The following KLHL35 variants were observed in gnomAD, a reference collection of about 807,000 sequenced individuals.
KLHL35 encodes the protein kelch-like protein 35.
In KLHL35, 50 loss-of-function variants were observed where a neutral mutation model predicts 44.0. The observed-to-expected ratio is 1.14, with a 90% CI of 0.91 to 1.44. The LOEUF is 1.44. Ranked by LOEUF, KLHL35 falls within the 40% of genes most tolerant of loss-of-function variation. The pLI is 0.00. For missense variants in KLHL35, 1,049 were observed against 887.8 expected, an observed-to-expected ratio of 1.18 and a Z score of -2.31; for synonymous variants, 470 against 410.4, an observed-to-expected ratio of 1.15 and a Z score of -1.76.
rs553307526 is a variant in KLHL35, at chr11:75,428,970, C to T, written c.882-344G>A. Among the ~76,000 whole-genome samples the T allele has an allele frequency of 2.6e-5, 4 of 152,336 alleles. No homozygotes were observed. In the South Asian group the frequency reaches 8.3e-4, roughly 32 times the overall value. On this transcript the variant is annotated intron_variant, in intron 2 of 6. Transcript: ENST00000539798. ...ATTACCCCTTTCTCAGGGGAGGAAA[C>T]TGAGGCTCACATACCATGGCGTGCC... is the stretch of plus-strand genomic sequence containing the variant.
In KLHL35 at chr11:75,426,557, C is replaced by T; in HGVS notation, c.1148G>A (p.Gly383Asp). 6.2e-7 allele frequency: 1 copy of T among 1,605,166 alleles called. No individual in the cohort carries two copies. Among genetic ancestry groups the T allele is most frequent in the Non-Finnish European group, 8.5e-7 (1 of 1,176,386 alleles). ...TWIKVASLHK[G>D]RWRHKMAVVQ... ...AACTGCCATCTTGTGCCTCCACCTG[C>T]CCTTGTGCAGAGAGGCTACCTTGAT... is the stretch of plus-strand genomic sequence containing the variant. The change falls in exon 4 of 7, where the codon GGC (glycine) becomes GAC (aspartate). Residue 383 changes from glycine (G) to aspartate (D), a missense_variant. Transcript: ENST00000539798.
rs150656806 is a variant in KLHL35 at position 75,432,473 on chromosome 11, G to A, written c.-2+570C>T. On this transcript the variant is annotated intron_variant, in intron 1 of 6. Coordinates refer to ENST00000539798, the MANE Select transcript of KLHL35 (RefSeq NM_001039548.3). ...AGGACCGGTGGAAGGAAGTGAGACC[G>A]GTCATCACAGCACGCTGCAACCAGT... Among the ~76,000 whole-genome samples the A allele has an allele frequency of 4.7e-3, 713 of 152,296 alleles. 3 individuals are homozygous for A. The highest frequency in any genetic ancestry group is 7.4e-3 in the Non-Finnish European group (506 of 68,014).
chr11:75,430,049 A>G lies in KLHL35; in HGVS notation c.581T>C (p.Leu194Pro), dbSNP rs1368671767. The change falls in exon 2 of 7, where the codon CTG (leucine) becomes CCG (proline). Residue 194 changes from leucine to proline, a missense_variant. Coordinates refer to ENST00000539798, the MANE Select transcript of KLHL35 (RefSeq NM_001039548.3). ...CAGCGCCACCACCTCGTCAGGCGCC[A>G]GCTCCAGGAAGTCGGCGTGGCGCGC... ...EVARHADFLE[L>P]APDEVVALLA... 1 of 1,403,844 alleles carries G rather than the reference A, an allele frequency of 7.1e-7. No homozygotes were observed. The highest frequency in any genetic ancestry group is 9.3e-7 in the Non-Finnish European group (1 of 1,080,528). The allele number at this position is 1,403,844 out of a possible 1,614,324, so 87.0% of individuals were successfully genotyped here.
intron 6 of KLHL35, chr11:75,423,394 G>A (rs1319436023): frequency 2.8e-6 from 1 of 361,678 alleles, no homozygotes; most frequent in Admixed American, 4.3e-5. Flanking sequence ...TGGCCTTCGG[G>A]GCAGGAGAGA....
Position 75,425,441 on chromosome 11 carries a change from C to T in KLHL35, c.1326G>A (p.Lys442=). 6.4e-7 allele frequency: 1 copy of T among 1,571,030 alleles called. No individual in the cohort carries two copies. Among genetic ancestry groups the T allele is most frequent in the African/African-American group, 1.4e-5 (1 of 73,760 alleles). The part of the protein sequence containing the change: ...SSAAVASCAG[K]LFVIGGARQG... The stretch of plus-strand genomic sequence containing the variant: ...GCCTGGCGCCCCCAATCACGAAGAG[C>T]TTGCCCGCGCAGGACGCCACCGCCG... The change falls in exon 5 of 7, where the codon AAG becomes AAA. Residue 442 remains lysine (K), a synonymous_variant. Transcript: ENST00000539798.
Position 75,430,444 on chromosome 11 carries a change from G to A in KLHL35, c.186C>T (p.Gly62=). 2.9e-6 allele frequency: 4 copies of A among 1,391,978 alleles called. No individual in the cohort carries two copies. The highest frequency in any genetic ancestry group is 3.2e-5 in the Admixed American group (1 of 31,158). The allele number at this position is 1,391,978 out of a possible 1,614,324, so 86.2% of individuals were successfully genotyped here. The change falls in exon 2 of 7, where the codon GGC becomes GGT. Residue 62 remains glycine (G), a synonymous_variant. Coordinates refer to ENST00000539798, the MANE Select transcript of KLHL35 (RefSeq NM_001039548.3). ...FPCHRAALSA[G]SAYFRSLFAA... ...CGAACAAGCTGCGGAAGTAGGCGCT[G>A]CCCGCGCTGAGCGCCGCGCGGTGGC...
intron 1 of KLHL35, among the ~76,000 whole-genome samples, chr11:75,431,941 C>T (rs1420229299): frequency 2.0e-5 from 3 of 152,118 alleles, no homozygotes; most frequent in African/African-American, 7.2e-5. Context: ...TTCTTTAGCC[C>T]ACACCTGCCC....
At position 75,428,778 on chromosome 11, in the gene KLHL35, C is replaced by A. The variant is rs539340495; in HGVS notation, c.882-152G>T. The stretch of plus-strand genomic sequence containing the variant: ...ATCCCCCGGCCTCAATCCCGCTAGA[C>A]CCTGCCACTTCCAACTTTGCCTGTG... On this transcript the variant is annotated intron_variant, in intron 2 of 6. Coordinates refer to ENST00000539798, the MANE Select transcript of KLHL35 (RefSeq NM_001039548.3). 6 of 626,656 alleles carry A rather than the reference C, an allele frequency of 9.6e-6. No homozygotes were observed. The South Asian group carries it at 1.4e-4, about 14-fold the overall frequency. The allele number at this position is 626,656 out of a possible 1,614,324, so 38.8% of individuals were successfully genotyped here.
chr11:75,425,760 C>G, intron 4 of KLHL35, 179 bp from the exon 5 acceptor site: 1 of 484,962 alleles, frequency 2.1e-6, no homozygotes, highest in East Asian at 3.5e-5. Context: ...CACCCAGTTG[C>G]TGTACCTCCC....
rs764407435 is a variant in KLHL35 at position 75,423,840 on chromosome 11, C to A, written c.1415G>T (p.Arg472Leu). 1 of 1,613,750 alleles carries A rather than the reference C, an allele frequency of 6.2e-7. No individual in the cohort carries two copies. The highest frequency in any genetic ancestry group is 8.5e-7 in the Non-Finnish European group (1 of 1,179,812). Residue 472 changes from arginine (R) to leucine (L), a missense_variant, in exon 6 of 7, where the codon CGG becomes CTG. By Grantham distance (102) the Arg-to-Leu change is moderately radical (BLOSUM62 -2). Coordinates refer to ENST00000539798, the MANE Select transcript of KLHL35 (RefSeq NM_001039548.3). ...CCGCTGTGAGAAGGGTGCTGGTGAC[C>A]GCAGGCTCCACCGGTCCTCCTTGGG... ...FDPKEDRWSLRSPAPFSQRCL... is the reference protein window; with the variant it reads ...FDPKEDRWSLLSPAPFSQRCL...
At chr11:75,425,353 C>T (rs1948479904) in intron 5 of KLHL35, 40 bp downstream of exon 5, 4 of 1,498,092 alleles carry the variant, frequency 2.7e-6, no homozygotes, top group Non-Finnish European at 3.5e-6. Context: ...GTGGGCACCC[C>T]AGCCTTCAAC....
chr11:75,425,742 G>A, intron 4 of KLHL35, 161 bp from the exon 5 acceptor site: 2 of 567,222 alleles, frequency 3.5e-6, no homozygotes, highest in Non-Finnish European at 5.6e-6. Context: ...CACCACCTGG[G>A]CAGCCTCCAC....
chr11:75,425,753 C>G (rs1246070052), intron 4 of KLHL35, 172 bp from the exon 5 acceptor site: 19 of 512,640 alleles, frequency 3.7e-5, no homozygotes, highest in Non-Finnish European at 6.2e-5. Flanking sequence ...CAGCCTCCAC[C>G]CAGTTGCTGT....
At chr11:75,431,541 G>C (rs1015611199) in intron 1 of KLHL35, among the ~76,000 whole-genome samples, 1 of 152,190 alleles carries the variant, frequency 6.6e-6, no homozygotes, top group Non-Finnish European at 1.5e-5. Context: ...TGAAAGGTTA[G>C]AGCCCAGGCT....
At chr11:75,423,577 G>T in intron 6 of KLHL35, 115 bp downstream of exon 6, 2 of 819,962 alleles carry the variant, frequency 2.4e-6, no homozygotes, top group South Asian at 1.6e-5. Context: ...GTGAGGATGA[G>T]CTAGAGAGTG....
At chr11:75,428,919 G>C (rs573784110) in intron 2 of KLHL35, among the ~76,000 whole-genome samples, 1 of 152,292 alleles carries the variant, frequency 6.6e-6, no homozygotes, top group South Asian at 2.1e-4. Flanking sequence ...CGTTTAATCT[G>C]TATGGCAGTT....
At chr11:75,428,350 C>G in intron 3 of KLHL35, 92 bp downstream of exon 3, 1 of 1,430,648 alleles carries the variant, frequency 7.0e-7, no homozygotes, top group Non-Finnish European at 9.5e-7. Flanking sequence ...CATCCCGCCC[C>G]TCTCTCCCGA....
At position 75,429,747 on chromosome 11, in the gene KLHL35, A is replaced by G; in HGVS notation, c.881+2T>C. The G allele has an allele frequency of 6.9e-7, 1 of 1,455,552 alleles. No individual in the cohort carries two copies. The highest frequency in any genetic ancestry group is 9.0e-7 in the Non-Finnish European group (1 of 1,111,420). The allele number at this position is 1,455,552 out of a possible 1,614,324, so 90.2% of individuals were successfully genotyped here. ...CGGGAAGCTAGGGGATGGCGGCCCTACCTCCGCGGCCGGGTCCGCAGCGCA... is the reference window on the plus strand; with the variant it reads ...CGGGAAGCTAGGGGATGGCGGCCCTGCCTCCGCGGCCGGGTCCGCAGCGCA... On this transcript the variant is annotated splice_donor_variant, in intron 2 of 6. Transcript: ENST00000539798. LOFTEE classifies it high-confidence loss of function.
chr11:75,423,960 C>T (rs1354408266), intron 5 of KLHL35, 80 bp from the exon 6 acceptor site: 2 of 1,128,134 alleles, frequency 1.8e-6, no homozygotes, highest in Non-Finnish European at 2.5e-6. Context: ...TGCCACCTCT[C>T]CCCCCGGGGG....
Sources: gnomAD v4.1 joint callset for allele counts (sites outside exome capture counted in the v4.1 genomes callset) on GRCh38, gnomAD v4.1.1 for gene constraint, MANE v1.5 for transcripts, NCBI Gene and HGNC (gene_info 2026-07-23, HGNC 2026-07-21) for gene names.